The following ADRA1D variants were observed in gnomAD, a reference collection of about 807,000 sequenced individuals.
ADRA1D encodes alpha-1D adrenergic receptor.
In ADRA1D, 22 loss-of-function variants were observed where a neutral mutation model predicts 18.6. That is an observed-to-expected ratio of 1.19 (90% CI 0.85 to 1.69). ADRA1D has a LOEUF of 1.69. Among genes scored for constraint, ADRA1D ranks in the 40% most tolerant of loss-of-function variants. The pLI is 0.00. For missense variants in ADRA1D, 840 were observed against 840.7 expected (o/e 1.00, Z 0.01); for synonymous variants, 376 against 388.2 (o/e 0.97, Z 0.37).
intron 1 of ADRA1D, among the ~76,000 whole-genome samples, chr20:4,225,024 T>TG (rs1428608583): frequency 7.0e-6 from 1 of 143,830 alleles, no homozygotes; most frequent in East Asian, 2.2e-4. Flanking sequence ...TTTAAATAGA[T>TG]GGAGTCTCGC....
Position 4,221,477 on chromosome 20 carries a change from C to T in ADRA1D, c.*46G>A, listed in dbSNP as rs973564952. On this transcript the variant is annotated 3_prime_UTR_variant, in exon 2 of 2. Transcript: ENST00000379453. ...AACACCAGCCCGCCTCTCTGGTCCC[C>T]CTTACCCCCAAGCCCAGCACACTCC... is the stretch of plus-strand genomic sequence containing the variant. 3.8e-6 allele frequency: 6 copies of T among 1,559,852 alleles called. No individual in the cohort carries two copies. The African/African-American group carries it at 6.8e-5, about 18-fold the overall frequency.
At position 4,221,548 on chromosome 20, in the gene ADRA1D, C is replaced by T. The variant is rs1414988615; in HGVS notation, c.1694G>A (p.Ser565Asn). 1.9e-6 allele frequency: 3 copies of T among 1,611,450 alleles called. No homozygotes were observed. The highest frequency in any genetic ancestry group is 1.7e-5 in the Admixed American group (1 of 59,896). The change falls in exon 2 of 2, where the codon AGC becomes AAC. Residue 565 changes from serine to asparagine, a missense_variant. Ser to Asn is a conservative substitution (Grantham distance 46). Coordinates refer to ENST00000379453, the MANE Select transcript of ADRA1D (RefSeq NM_000678.4). ...TCQAYELADY[S>N]NLRETDI is the part of the protein sequence containing the mutation. ...TTAAATATCGGTCTCCCGTAGGTTG[C>T]TGTAGTCGGCCAATTCGTAGGCCTG... is the stretch of plus-strand genomic sequence containing the variant.
chr20:4,234,652 T>G (rs1187974006), intron 1 of ADRA1D, among the ~76,000 whole-genome samples: 1 of 152,180 alleles, frequency 6.6e-6, no homozygotes, highest in Non-Finnish European at 1.5e-5. Context: ...GCAACGGCCC[T>G]AACCTTGGAG....
intron 1 of ADRA1D, among the ~76,000 whole-genome samples, chr20:4,231,074 CTCTCTCT>C (rs1980952674): frequency 1.1e-5 from 1 of 90,928 alleles, no homozygotes; most frequent in African/African-American, 4.7e-5. Flanking sequence ...TTCTCTCTCT[CTCTCTCT>C]CTTTTCTTTT....
intron 1 of ADRA1D, among the ~76,000 whole-genome samples, chr20:4,233,054 C>A (rs913510319): frequency 1.3e-5 from 2 of 152,164 alleles, no homozygotes; most frequent in Non-Finnish European, 2.9e-5. Flanking sequence ...GCCGTCCTAG[C>A]TACTTGGGAG....
At chr20:4,238,543 TGA>T (rs749957218) in intron 1 of ADRA1D, among the ~76,000 whole-genome samples, 1 of 151,954 alleles carries the variant, frequency 6.6e-6, no homozygotes, top group Non-Finnish European at 1.5e-5. Context: ...GAAAAAGGGT[TGA>T]GAGAGAGTCA....
chr20:4,225,817 C>G (rs1409852218), intron 1 of ADRA1D, among the ~76,000 whole-genome samples: 2 of 151,656 alleles, frequency 1.3e-5, no homozygotes, highest in East Asian at 3.9e-4. Flanking sequence ...TGGCCAGAAA[C>G]AGCAGCTGAG....
intron 1 of ADRA1D, among the ~76,000 whole-genome samples, chr20:4,235,542 G>A (rs1014518231): frequency 3.3e-5 from 5 of 152,182 alleles, no homozygotes; most frequent in South Asian, 2.1e-4. Context: ...GAGTGACCAC[G>A]GCTGCAGTTC....
Position 4,222,045 on chromosome 20 carries a change from C to A in ADRA1D, c.1197G>T (p.Pro399=), listed in dbSNP as rs1255031660. The part of the protein sequence containing the change: ...WLGYFNSCVN[P]LIYPCSSREF... ...CGCGGCTGGAACAGGGGTAGATGAG[C>A]GGGTTCACGCAGCTGTTGAAGTAGC... The change falls in exon 2 of 2, where the codon CCG becomes CCT. Residue 399 remains proline, a synonymous_variant. Transcript: ENST00000379453. The surrounding 1 kb of genome is among the most constrained non-coding windows in gnomAD (Gnocchi z 4.3). 1 of 1,611,562 alleles carries A rather than the reference C, an allele frequency of 6.2e-7. No individual in the cohort carries two copies. The highest frequency in any genetic ancestry group is 1.1e-5 in the South Asian group (1 of 90,878).
Position 4,222,185 on chromosome 20 carries a change from C to G in ADRA1D, c.1112-55G>C. ...GCTGCTTGGGGAGGGGGAGGCCAGG[C>G]GGCTCTGGGCGCAAAGGGGAGACCC... On this transcript the variant is annotated intron_variant, in intron 1 of 1. Transcript: ENST00000379453. This position sits in a 1 kb window ranked among gnomAD's most constrained non-coding sequence, Gnocchi z 4.3. 1 of 1,573,676 alleles carries G rather than the reference C, an allele frequency of 6.4e-7. No homozygotes were observed. The highest frequency in any genetic ancestry group is 8.6e-7 in the Non-Finnish European group (1 of 1,159,244).
Position 4,248,423 on chromosome 20 carries a change from A to G in ADRA1D, c.535T>C (p.Cys179Arg). The G allele has an allele frequency of 3.1e-6, 5 of 1,611,160 alleles. No individual in the cohort carries two copies. The highest frequency in any genetic ancestry group is 4.2e-6 in the Non-Finnish European group (5 of 1,178,858). The change falls in exon 1 of 2, where the codon TGC (cysteine) becomes CGC (arginine). Residue 179 changes from cysteine (C) to arginine (R), a missense_variant. Physicochemically the swap from Cys to Arg is radical, Grantham distance 180. Coordinates refer to ENST00000379453, the MANE Select transcript of ADRA1D (RefSeq NM_000678.4). ...CDVWAAVDVLCCTASILSLCT... is the reference protein window; with the variant it reads ...CDVWAAVDVLRCTASILSLCT... ...AGGCTGAGGATGGAGGCCGTGCAGC[A>G]CAGCACGTCCACGGCGGCCCATACG...
intron 1 of ADRA1D, among the ~76,000 whole-genome samples, chr20:4,235,404 T>C (rs1193296330): frequency 6.6e-6 from 1 of 152,208 alleles, no homozygotes; most frequent in Non-Finnish European, 1.5e-5. Flanking sequence ...ACTCTTTTTT[T>C]CCCTCCTCTT....
At position 4,248,033 on chromosome 20, in the gene ADRA1D, G is replaced by T. The variant is rs575889599; in HGVS notation, c.925C>A (p.Arg309Ser). 6.4e-7 allele frequency: 1 copy of T among 1,551,168 alleles called. No individual in the cohort carries two copies. The highest frequency in any genetic ancestry group is 1.4e-5 in the African/African-American group (1 of 72,964). ...CCGTCGGCGCCCGTGGCCGCGCCGC[G>T]ACAGTGGATGCGCAGCACCACCTCG... ...ASEVVLRIHC[R>S]GAATGADGAH... The change falls in exon 1 of 2, where the codon CGC (arginine) becomes AGC (serine). Residue 309 changes from arginine (R) to serine (S), a missense_variant. Arg to Ser is a moderately radical substitution (Grantham distance 110). Transcript: ENST00000379453.
At chr20:4,233,014 A>T (rs1981004536) in intron 1 of ADRA1D, among the ~76,000 whole-genome samples, 1 of 152,146 alleles carries the variant, frequency 6.6e-6, no homozygotes, top group African/African-American at 2.4e-5. Flanking sequence ...CTTTCAAAAA[A>T]TTCCTAACTG....
chr20:4,243,114 G>A (rs944502671), intron 1 of ADRA1D, among the ~76,000 whole-genome samples: 1 of 152,170 alleles, frequency 6.6e-6, no homozygotes, highest in African/African-American at 2.4e-5. Flanking sequence ...AGGATGATCT[G>A]CATTCTACAC....
chr20:4,242,621 G>C (rs1981239314), intron 1 of ADRA1D, among the ~76,000 whole-genome samples: 1 of 152,200 alleles, frequency 6.6e-6, no homozygotes, highest in African/African-American at 2.4e-5. Context: ...CAGATGGCTG[G>C]AGTGGGACAT....
rs1980702205 is a variant in ADRA1D at position 4,222,695 on chromosome 20, A to G, written c.1112-565T>C. On this transcript the variant is annotated intron_variant, in intron 1 of 1. Coordinates refer to ENST00000379453, the MANE Select transcript of ADRA1D (RefSeq NM_000678.4). This position sits in a 1 kb window ranked among gnomAD's most constrained non-coding sequence, Gnocchi z 4.3. ...ATAACGTCTGACCAGGCTAGTAATT[A>G]TGCTGCTATGAACAGATATACTCTT... Among the ~76,000 whole-genome samples, 2 of 152,166 alleles carry G rather than the reference A, an allele frequency of 1.3e-5. No homozygotes were observed. Among genetic ancestry groups the G allele is most frequent in the African/African-American group, 4.8e-5 (2 of 41,440 alleles).
intron 1 of ADRA1D, among the ~76,000 whole-genome samples, chr20:4,229,126 C>T (rs1468228627): frequency 6.6e-6 from 1 of 152,156 alleles, no homozygotes; most frequent in Non-Finnish European, 1.5e-5. Flanking sequence ...AATGTAGGAG[C>T]GCCTCATTTA....
chr20:4,237,460 A>G (rs79815358), intron 1 of ADRA1D, among the ~76,000 whole-genome samples: 5 of 16,148 alleles, frequency 3.1e-4, no homozygotes, highest in African/African-American at 5.4e-4. Context: ...CCATCTCTTG[A>G]AAAAAAAAAA....
Sources: gnomAD v4.1 joint callset for allele counts (sites outside exome capture counted in the v4.1 genomes callset) on GRCh38, gnomAD v4.1.1 for gene constraint, Gnocchi (gnomAD v3.1) non-coding constraint, MANE v1.5 for transcripts, NCBI Gene and HGNC (gene_info 2026-07-23, HGNC 2026-07-21) for gene names.